The following DYNC2H1 variants were observed in gnomAD, a reference collection of about 807,000 sequenced individuals.
DYNC2H1 encodes cytoplasmic dynein 2 heavy chain 1.
In DYNC2H1, 410 loss-of-function variants were observed where a neutral mutation model predicts 570.0. The observed-to-expected ratio is 0.72, with a 90% CI of 0.66 to 0.78. The LOEUF is 0.78. DYNC2H1 is among the 30% of genes least tolerant of loss of function. The probability of loss-of-function intolerance (pLI) is 0.00; values close to 1 mark genes in which losing one functional copy is unlikely to be tolerated. For missense variants in DYNC2H1, 4,865 were observed against 5,046.4 expected, an observed-to-expected ratio of 0.96 and a Z score of 1.09; for synonymous variants, 1,688 against 1,677.6, an observed-to-expected ratio of 1.01 and a Z score of -0.15.
chr11:103,219,964 C>T lies in DYNC2H1; in HGVS notation c.8882C>T (p.Ala2961Val), dbSNP rs900234882. 17 of 1,507,358 alleles carry T rather than the reference C, an allele frequency of 1.1e-5. No homozygotes were observed. In the African/African-American group the frequency reaches 2.3e-4, roughly 21 times the overall value. 93.4% of individuals were successfully genotyped at this position (1,507,358 alleles called of 1,614,324 possible). Residue 2961 changes from alanine (A) to valine (V), a missense_variant, in exon 56 of 89, where the codon GCA becomes GTA. Ala to Val is a moderately conservative substitution (Grantham distance 64). Coordinates refer to ENST00000375735, the MANE Select transcript of DYNC2H1 (RefSeq NM_001377.3). ...TELERLKHRI[A>V]EEVVKIEERK... ...CTTGAAAGACTGAAGCACAGAATAGCAGAAGAAGTTGTTAAAATTGAAGAA... is the reference window on the plus strand; with the variant it reads ...CTTGAAAGACTGAAGCACAGAATAGTAGAAGAAGTTGTTAAAATTGAAGAA...
intron 82 of DYNC2H1, among the ~76,000 whole-genome samples, chr11:103,338,724 G>A (rs565027650): frequency 7.9e-5 from 12 of 152,088 alleles, no homozygotes; most frequent in Non-Finnish European, 1.8e-4. Context: ...TTCCTTCTCT[G>A]TGTTATCTTG....
intron 26 of DYNC2H1, among the ~76,000 whole-genome samples, 193 bp from the exon 27 acceptor site, chr11:103,158,484 A>G (rs1228600831): frequency 4.6e-5 from 7 of 152,132 alleles, no homozygotes; most frequent in Non-Finnish European, 8.8e-5. Context: ...AATGAAATAT[A>G]TAAGATAATT....
chr11:103,120,297 C>A (rs1183338909), intron 6 of DYNC2H1, 150 bp from the exon 7 acceptor site: 1 of 647,026 alleles, frequency 1.5e-6, no homozygotes, highest in Non-Finnish European at 2.4e-6. Context: ...CGTGGCAATT[C>A]TCTGGACTAG....
intron 84 of DYNC2H1, among the ~76,000 whole-genome samples, chr11:103,423,800 G>C (rs1016777704): frequency 6.6e-6 from 1 of 151,892 alleles, no homozygotes; most frequent in Non-Finnish European, 1.5e-5. Flanking sequence ...TTGTGGATGG[G>C]AAAGAAGCAC....
In DYNC2H1 at chr11:103,243,891, C is replaced by T; in HGVS notation, c.9918+100C>T. 1 of 872,296 alleles carries T rather than the reference C, an allele frequency of 1.1e-6. No individual in the cohort carries two copies. The highest frequency in any genetic ancestry group is 2.1e-5 in the South Asian group (1 of 46,994). The allele number at this position is 872,296 out of a possible 1,614,324, so 54.0% of individuals were successfully genotyped here. A position where few individuals can be genotyped will look rare whatever the true frequency, so the allele number is the denominator to read the frequency against. On this transcript the variant is annotated intron_variant, in intron 64 of 88. Coordinates refer to ENST00000375735, the MANE Select transcript of DYNC2H1 (RefSeq NM_001377.3). This position sits in a 1 kb window ranked among gnomAD's most constrained non-coding sequence, Gnocchi z 4.8. ...AGAAAACATAGATTCAACACTGGGT[C>T]CTACTGTATGGGACCTTGGGCGAGA...
chr11:103,387,603 T>C (rs1390508290), intron 83 of DYNC2H1, among the ~76,000 whole-genome samples: 1 of 152,210 alleles, frequency 6.6e-6, no homozygotes, highest in African/African-American at 2.4e-5. Flanking sequence ...TGGTATTGCC[T>C]AGGTTTTCTT....
intron 55 of DYNC2H1, among the ~76,000 whole-genome samples, chr11:103,216,341 A>G (rs1248750917): frequency 6.6e-6 from 1 of 151,882 alleles, no homozygotes; most frequent in Non-Finnish European, 1.5e-5. Flanking sequence ...TTCAAGGGAG[A>G]TTTCTCTGAG....
intron 55 of DYNC2H1, among the ~76,000 whole-genome samples, chr11:103,217,010 T>C (rs976845966): frequency 6.6e-6 from 1 of 152,198 alleles, no homozygotes; most frequent in African/African-American, 2.4e-5. Context: ...TAATGAGTCA[T>C]TAAATTCTGT....
chr11:103,158,183 C>T (rs1860917860), intron 26 of DYNC2H1, among the ~76,000 whole-genome samples: 1 of 152,220 alleles, frequency 6.6e-6, no homozygotes, highest in Non-Finnish European at 1.5e-5. Context: ...CATGGTGGCT[C>T]ACGCCTGTAA....
chr11:103,137,052 T>C (rs1354441293), intron 17 of DYNC2H1, among the ~76,000 whole-genome samples: 17 of 149,146 alleles, frequency 1.1e-4, no homozygotes, highest in Admixed American at 2.7e-4. Context: ...TCATGTCCTT[T>C]GCCCACTTTT....
intron 78 of DYNC2H1, among the ~76,000 whole-genome samples, chr11:103,311,404 AC>A (rs1445533425): frequency 6.6e-6 from 1 of 152,166 alleles, no homozygotes; most frequent in Non-Finnish European, 1.5e-5. Flanking sequence ...GTTAGGTAAT[AC>A]TTTAAATCTG....
Position 103,168,317 on chromosome 11 carries a change from G to A in DYNC2H1, c.4763-438G>A, listed in dbSNP as rs73597436. ...TGGCTGCATTGGGTATGGCCCTAGC[G>A]TTGCCAGAAGGGGGGAAAAATACAA... On this transcript the variant is annotated intron_variant, in intron 31 of 88. Coordinates refer to ENST00000375735, the MANE Select transcript of DYNC2H1 (RefSeq NM_001377.3). Among the ~76,000 whole-genome samples the A allele has an allele frequency of 4.4e-3, 666 of 152,262 alleles. 4 individuals carry two copies. Among genetic ancestry groups the A allele is most frequent in the African/African-American group, 0.015 (623 of 41,542 alleles).
chr11:103,437,044 G>T (rs1944088654), intron 85 of DYNC2H1, among the ~76,000 whole-genome samples: 1 of 152,082 alleles, frequency 6.6e-6, no homozygotes, highest in Non-Finnish European at 1.5e-5. Context: ...CAGATACAGT[G>T]GATGGGCCCT....
At chr11:103,356,232 A>G (rs1033044157) in intron 82 of DYNC2H1, among the ~76,000 whole-genome samples, 3 of 152,222 alleles carry the variant, frequency 2.0e-5, no homozygotes, top group African/African-American at 4.8e-5. Context: ...AAAGATAAAT[A>G]TATGTGGTAG....
chr11:103,341,005 A>G (rs1454310527), intron 82 of DYNC2H1, among the ~76,000 whole-genome samples: 1 of 152,146 alleles, frequency 6.6e-6, no homozygotes, highest in Non-Finnish European at 1.5e-5. Context: ...ATCAATGAGG[A>G]ACACAAAGCT....
chr11:103,248,875 G>A lies in DYNC2H1; in HGVS notation c.10042+3501G>A, dbSNP rs575372792. Among the ~76,000 whole-genome samples, 14 of 151,828 alleles carry A rather than the reference G, an allele frequency of 9.2e-5. 2 individuals are homozygous for A. In the South Asian group the frequency reaches 2.9e-3, roughly 32 times the overall value. ...CCCAAATGTTCATTCCGTTGTACACGTTGACTGAAAAAAACAAACAAAAAA... is the reference window on the plus strand; with the variant it reads ...CCCAAATGTTCATTCCGTTGTACACATTGACTGAAAAAAACAAACAAAAAA... On this transcript the variant is annotated intron_variant, in intron 65 of 88. Coordinates refer to ENST00000375735, the MANE Select transcript of DYNC2H1 (RefSeq NM_001377.3).
chr11:103,387,253 G>A (rs550249403), intron 83 of DYNC2H1, among the ~76,000 whole-genome samples: 3 of 152,316 alleles, frequency 2.0e-5, no homozygotes, highest in African/African-American at 7.2e-5. Context: ...GATGGCCAGT[G>A]ATGATGAGCA....
At position 103,280,708 on chromosome 11, in the gene DYNC2H1, C is replaced by T. The variant is rs10736626; in HGVS notation, c.10761+295C>T. 0.4 allele frequency among the ~76,000 whole-genome samples: 61,232 copies of T among 151,830 alleles called. 12,670 individuals carry two copies. The highest frequency in any genetic ancestry group is 0.48 in the African/African-American group (19,873 of 41,410). ...AGAAGAGTCAGCCTTCTTCTTTTCC[C>T]GGCCTAGGTAGTAGAGCTCATATAG... is the stretch of plus-strand genomic sequence containing the variant. On this transcript the variant is annotated intron_variant, in intron 71 of 88. Coordinates refer to ENST00000375735, the MANE Select transcript of DYNC2H1 (RefSeq NM_001377.3). This position sits in a 1 kb window ranked among gnomAD's most constrained non-coding sequence, Gnocchi z 4.7.
rs1864585614 is a variant in DYNC2H1, at chr11:103,245,624, CA to C, written c.10042+254del. ...TAAGCACACTCTCCCTAGCACATTA[CA>C]AAATTCTAGACCCCCTGAAGGAAAG... On this transcript the variant is annotated intron_variant, in intron 65 of 88. Transcript: ENST00000375735. The surrounding 1 kb of genome is among the most constrained non-coding windows in gnomAD (Gnocchi z 4.5). Among the ~76,000 whole-genome samples the C allele has an allele frequency of 6.6e-6, 1 of 152,090 alleles. No individual in the cohort carries two copies. Among genetic ancestry groups the C allele is most frequent in the Non-Finnish European group, 1.5e-5 (1 of 67,996 alleles).
Sources: gnomAD v4.1 joint callset for allele counts (sites outside exome capture counted in the v4.1 genomes callset) on GRCh38, gnomAD v4.1.1 for gene constraint, Gnocchi (gnomAD v3.1) non-coding constraint, MANE v1.5 for transcripts, NCBI Gene and HGNC (gene_info 2026-07-23, HGNC 2026-07-21) for gene names.